The following TLR6 variants were observed in gnomAD, a reference collection of about 807,000 sequenced individuals.
TLR6 encodes the protein toll like receptor 6.
TLR6 carries 9 observed loss-of-function variants against 16.1 expected under a neutral mutation model. The observed-to-expected ratio is 0.56, with a 90% CI of 0.34 to 0.98. The LOEUF is 0.98. Ranked by LOEUF, TLR6 falls within the 50% of genes least tolerant of loss-of-function variation. TLR6 has a pLI of 0.02. For missense variants in TLR6, 786 were observed against 921.0 expected (o/e 0.85, Z 1.90); for synonymous variants, 340 against 338.6 (o/e 1.00, Z -0.04).
At chr4:38,841,827 G>A (rs1712276655) in intron 1 of TLR6, among the ~76,000 whole-genome samples, 1 of 152,162 alleles carries the variant, frequency 6.6e-6, no homozygotes, top group African/African-American at 2.4e-5. Context: ...GTTTACGCAT[G>A]CAACTGTCCT....
At chr4:38,836,985 T>C (rs1711961034) in intron 1 of TLR6, among the ~76,000 whole-genome samples, 1 of 150,660 alleles carries the variant, frequency 6.6e-6, no homozygotes, top group African/African-American at 2.4e-5. Context: ...CAATCTTATT[T>C]GCATAGCTAC....
chr4:38,836,939 CAA>C (rs61331167), intron 1 of TLR6, among the ~76,000 whole-genome samples: 47 of 92,588 alleles, frequency 5.1e-4, no homozygotes, highest in Non-Finnish European at 7.3e-4. Flanking sequence ...GACTCAGTCT[CAA>C]AAAAAAAAAA....
chr4:38,835,210 T>C (rs1342132194), intron 1 of TLR6, among the ~76,000 whole-genome samples: 1 of 152,138 alleles, frequency 6.6e-6, no homozygotes, highest in East Asian at 1.9e-4. Flanking sequence ...CCCAACTATA[T>C]GCTGCCTACA....
intron 1 of TLR6, among the ~76,000 whole-genome samples, chr4:38,835,194 T>A (rs976255975): frequency 6.6e-6 from 1 of 152,150 alleles, no homozygotes. Context: ...AGATTTTTTT[T>A]ACTTACCCAA....
At chr4:38,832,908 C>T (rs1383633594) in intron 1 of TLR6, among the ~76,000 whole-genome samples, 3 of 152,198 alleles carry the variant, frequency 2.0e-5, no homozygotes, top group Non-Finnish European at 4.4e-5. Flanking sequence ...CTTACAGCAA[C>T]CCCATCTTCC....
chr4:38,828,828 A>G, exon 2 of TLR6: 1 of 1,614,088 alleles, frequency 6.2e-7, no homozygotes, highest in Non-Finnish European at 8.5e-7. Context: ...GTATTAACTG[A>G]TATGTTCACT....
chr4:38,828,093 T>G, exon 2 of TLR6: 1 of 1,614,238 alleles, frequency 6.2e-7, no homozygotes, highest in South Asian at 1.1e-5. Flanking sequence ...CTCTTTATTT[T>G]ATTGCTGTGA....
chr4:38,843,434 C>G (rs1234539921), intron 1 of TLR6, among the ~76,000 whole-genome samples: 1 of 152,200 alleles, frequency 6.6e-6, no homozygotes, highest in East Asian at 1.9e-4. Flanking sequence ...TTTTCACCAT[C>G]AGGGGATATA....
exon 2 of TLR6, chr4:38,827,260 G>A: frequency 1.2e-6 from 2 of 1,614,148 alleles, no homozygotes; most frequent in Non-Finnish European, 1.7e-6. Context: ...TCTGTGGAAT[G>A]GGTTCCAGTA....
At chr4:38,828,562 C>T in exon 2 of TLR6, 1 of 1,613,902 alleles carries the variant, frequency 6.2e-7, no homozygotes, top group Non-Finnish European at 8.5e-7. Context: ...TCAATGCTTT[C>T]AATGTCGTTT....
chr4:38,851,016 A>T (rs1285841268), intron 1 of TLR6, among the ~76,000 whole-genome samples: 1 of 152,186 alleles, frequency 6.6e-6, no homozygotes, highest in East Asian at 1.9e-4. Flanking sequence ...GCAGCACATC[A>T]AAAAGCTTAT....
At chr4:38,824,291 G>GAGAAGA (rs139542236) in exon 2 of TLR6, 1 of 152,278 alleles carries the variant, frequency 6.6e-6, no homozygotes, top group Admixed American at 6.5e-5. Flanking sequence ...CTTCAGAGGA[G>GAGAAGA]AGAAGAAGAA....
intron 1 of TLR6, among the ~76,000 whole-genome samples, chr4:38,856,129 A>C (rs993971884): frequency 1.3e-5 from 2 of 151,196 alleles, no homozygotes; most frequent in Admixed American, 6.6e-5. Flanking sequence ...CAATTGCTAC[A>C]CTGTGCCAGA....
At chr4:38,838,232 C>T (rs772265945) in intron 1 of TLR6, among the ~76,000 whole-genome samples, 1 of 152,156 alleles carries the variant, frequency 6.6e-6, no homozygotes, top group Non-Finnish European at 1.5e-5. Context: ...AATCCAGCAA[C>T]CCCACTTCTG....
At position 38,851,615 on chromosome 4, in the gene TLR6, C is replaced by T. The variant is rs1712777200; in HGVS notation, c.-65+5146G>A. Among the ~76,000 whole-genome samples, 3 of 152,266 alleles carry T rather than the reference C, an allele frequency of 2.0e-5. No homozygotes were observed. In the South Asian group the frequency reaches 6.2e-4, roughly 32 times the overall value. On this transcript the variant is annotated intron_variant, in intron 1 of 1. Transcript: ENST00000436693. ...ATAACAGACAAACAGAGAGCCAAAT[C>T]ATGAGTGGACTCCCATTCACAATTG...
At chr4:38,855,975 A>C (rs757090843) in intron 1 of TLR6, among the ~76,000 whole-genome samples, 4 of 152,224 alleles carry the variant, frequency 2.6e-5, no homozygotes, top group Non-Finnish European at 5.9e-5. Flanking sequence ...AAGACCTATG[A>C]AAATTAAAAC....
chr4:38,857,503 C>A (rs1253408716), upstream of TLR6, among the ~76,000 whole-genome samples: 6 of 152,080 alleles, frequency 3.9e-5, no homozygotes, highest in East Asian at 1.2e-3. Flanking sequence ...AGGCTGATTA[C>A]CAGAAGTCTC....
Position 38,828,728 on chromosome 4 carries a change from GAACCTCT to G in TLR6, c.739_745del (p.Arg247GlnfsTer4). 3.1e-6 allele frequency: 5 copies of G among 1,613,904 alleles called. No homozygotes were observed. The highest frequency in any genetic ancestry group is 3.4e-6 in the Non-Finnish European group (4 of 1,179,890). The stretch of plus-strand genomic sequence containing the variant: ...GTTGAGGGTAAAATTCAGTAAGGTT[GAACCTCT>G]GGTGAGTTCTGATAAAAATTTAATG... On this transcript the variant is annotated frameshift_variant, in exon 2 of 2. Coordinates refer to ENST00000436693, the Ensembl canonical transcript of TLR6. LOFTEE classifies it low-confidence loss of function (END_TRUNC).
At chr4:38,828,479 T>C in exon 2 of TLR6, 5 of 1,614,184 alleles carry the variant, frequency 3.1e-6, no homozygotes, top group Non-Finnish European at 3.4e-6. Flanking sequence ...CATCATAATG[T>C]TCATCTCAGA....
Sources: allele counts gnomAD v4.1 joint callset (sites outside exome capture counted in the v4.1 genomes callset), GRCh38; gene constraint gnomAD v4.1.1; transcripts MANE v1.5; gene names NCBI Gene and HGNC (gene_info 2026-07-23, HGNC 2026-07-21).